BLK: variants seen among roughly 807,000 people sequenced by gnomAD.
The protein encoded by BLK is tyrosine-protein kinase Blk.
A neutral mutation model predicts 61.8 loss-of-function variants in BLK; 64 were observed. The ratio of observed to expected loss-of-function variants is 1.03; its 90% CI spans 0.85 to 1.27. The LOEUF (loss-of-function observed/expected upper bound fraction) is 1.27. Among genes scored for constraint, BLK ranks in the 50% most tolerant of loss-of-function variants. The pLI, the probability that BLK is intolerant of heterozygous loss-of-function variation, is 0.00. For missense variants in BLK, 853 were observed against 660.5 expected, an observed-to-expected ratio of 1.29 and a Z score of -3.19; for synonymous variants, 351 against 272.0, an observed-to-expected ratio of 1.29 and a Z score of -2.86.
chr8:11,507,524 G>A (rs773130983), intron 1 of BLK, among the ~76,000 whole-genome samples: 2 of 152,208 alleles, frequency 1.3e-5, no homozygotes, highest in African/African-American at 2.4e-5. Context: ...GGCAAGTCAC[G>A]CTTTAAAAGA....
intron 5 of BLK, chr8:11,549,956 T>G: frequency 3.1e-6 from 2 of 636,624 alleles, no homozygotes; most frequent in Non-Finnish European, 5.7e-6. Flanking sequence ...AGTCCAGGGC[T>G]GACAGGAAGC....
At chr8:11,541,841 T>G (rs1191403473) in intron 1 of BLK, among the ~76,000 whole-genome samples, 1 of 152,182 alleles carries the variant, frequency 6.6e-6, no homozygotes, top group African/African-American at 2.4e-5. Context: ...CCTAAATCTC[T>G]GAAAACTGAA....
chr8:11,561,531 C>A, intron 11 of BLK, 79 bp downstream of exon 11: 1 of 1,547,170 alleles, frequency 6.5e-7, no homozygotes, highest in Non-Finnish European at 8.8e-7. Flanking sequence ...TAACTTCTCC[C>A]AGCACAGCCC....
At chr8:11,527,671 C>T (rs997258394) in intron 1 of BLK, among the ~76,000 whole-genome samples, 3 of 151,706 alleles carry the variant, frequency 2.0e-5, no homozygotes, top group Non-Finnish European at 4.4e-5. Context: ...GAAAATTGCC[C>T]TTGTGAGTGA....
chr8:11,501,635 T>C (rs1798564918), intron 1 of BLK, among the ~76,000 whole-genome samples: 1 of 152,212 alleles, frequency 6.6e-6, no homozygotes, highest in South Asian at 2.1e-4. Context: ...TAACAAAATA[T>C]GCAATAGTCT....
chr8:11,556,955 A>T (rs776206621), intron 9 of BLK, 118 bp downstream of exon 9: 125 of 608,326 alleles, frequency 2.1e-4, no homozygotes, highest in East Asian at 4.5e-4. Flanking sequence ...GATCTAGGGC[A>T]TGGCACGGTG....
rs915263167 is a variant in BLK, at chr8:11,543,114, C to T, written c.-1-110C>T. 40 of 1,562,862 alleles carry T rather than the reference C, an allele frequency of 2.6e-5. No homozygotes were observed. In the Middle Eastern group the frequency reaches 8.0e-4, roughly 31 times the overall value. ...TTTGAGGTCTTTGCTGCACCCACTT[C>T]CACCCCACCTTTCTAACCAGCCTCC... On this transcript the variant is annotated intron_variant, in intron 1 of 12. Transcript: ENST00000259089.
intron 1 of BLK, among the ~76,000 whole-genome samples, chr8:11,500,376 G>C (rs1377153426): frequency 6.8e-6 from 1 of 147,140 alleles, no homozygotes; most frequent in Non-Finnish European, 1.5e-5. Context: ...GTATTTTTTT[G>C]ATAGAGACAG....
chr8:11,560,734 G>C, intron 10 of BLK: 1 of 408,006 alleles, frequency 2.5e-6, no homozygotes, highest in Non-Finnish European at 5.0e-6. Flanking sequence ...GGCGCTGGGT[G>C]AGGTTCTTGG....
At chr8:11,563,319 G>A (rs1034124151) in intron 12 of BLK, among the ~76,000 whole-genome samples, 1 of 152,234 alleles carries the variant, frequency 6.6e-6, no homozygotes, top group African/African-American at 2.4e-5. Context: ...CCTTCCTCCA[G>A]CAGAGGTCAA....
At chr8:11,523,456 G>C (rs559630544) in intron 1 of BLK, among the ~76,000 whole-genome samples, 3 of 152,254 alleles carry the variant, frequency 2.0e-5, no homozygotes, top group African/African-American at 7.2e-5. Flanking sequence ...GGGAGGCTGA[G>C]GCAGGAGAAT....
chr8:11,560,773 C>T, intron 10 of BLK: 1 of 442,290 alleles, frequency 2.3e-6, no homozygotes, highest in Non-Finnish European at 4.6e-6. Context: ...TAATGCTTGC[C>T]TCAACCCCCT....
At chr8:11,524,272 T>C (rs1799562971) in intron 1 of BLK, among the ~76,000 whole-genome samples, 2 of 152,232 alleles carry the variant, frequency 1.3e-5, no homozygotes, top group Non-Finnish European at 2.9e-5. Context: ...TTTTCAAGAC[T>C]ATATGTATAT....
At chr8:11,533,920 G>T (rs1289778064) in intron 1 of BLK, among the ~76,000 whole-genome samples, 3 of 152,246 alleles carry the variant, frequency 2.0e-5, no homozygotes, top group Non-Finnish European at 4.4e-5. Flanking sequence ...ATTATTTATG[G>T]GAGACTCAAA....
In BLK at chr8:11,564,311, C is replaced by G. The variant is rs1801628937; in HGVS notation, c.*203C>G. On this transcript the variant is annotated 3_prime_UTR_variant, in exon 13 of 13. Coordinates refer to ENST00000259089, the MANE Select transcript of BLK (RefSeq NM_001715.3). ...CCCCCGGGCGAGTTACGCGGCCTCT[C>G]TGTGCCGCTTCATTTGTAGAGGGCT... The G allele has an allele frequency of 2.8e-6, 2 of 720,282 alleles. No homozygotes were observed. The highest frequency in any genetic ancestry group is 2.0e-5 in the Admixed American group (1 of 49,884). 44.6% of individuals were successfully genotyped at this position (720,282 alleles called of 1,614,324 possible). A position where few individuals can be genotyped will look rare whatever the true frequency, so the allele number is the denominator to read the frequency against.
intron 2 of BLK, among the ~76,000 whole-genome samples, chr8:11,545,241 C>A (rs1800576018): frequency 6.6e-6 from 1 of 152,108 alleles, no homozygotes; most frequent in African/African-American, 2.4e-5. Context: ...AGGGTTAGTT[C>A]CACGTTTTAA....
intron 1 of BLK, among the ~76,000 whole-genome samples, chr8:11,510,162 T>C (rs948473486): frequency 2.2e-4 from 34 of 152,380 alleles, no homozygotes; most frequent in African/African-American, 8.2e-4. Flanking sequence ...TGTTCTTTCC[T>C]AATCCCTTCA....
rs751857286 is a variant in BLK, at chr8:11,543,333, C to A, written c.109C>A (p.Pro37Thr). 7 of 1,613,144 alleles carry A rather than the reference C, an allele frequency of 4.3e-6. No individual in the cohort carries two copies. The highest frequency in any genetic ancestry group is 5.1e-6 in the Non-Finnish European group (6 of 1,180,030). The change falls in exon 2 of 13, where the codon CCA (proline) becomes ACA (threonine). Residue 37 changes from proline to threonine, a missense_variant. Transcript: ENST00000259089. ...CAGCGCCCAAGACAAGGACGCCCCG[C>A]CACTGCCGCCCCTGGTGAGTGATTG... The part of the protein sequence containing the change: ...KVSAQDKDAP[P>T]LPPLVVFNHL...
At chr8:11,556,601 T>A (rs1261788194) in intron 8 of BLK, 57 bp from the exon 9 acceptor site, 21 of 1,611,016 alleles carry the variant, frequency 1.3e-5, no homozygotes, top group Non-Finnish European at 1.8e-5. Flanking sequence ...GGTTAAGGGA[T>A]CACCTCCGAG....
Sources: gnomAD v4.1 joint callset for allele counts (sites outside exome capture counted in the v4.1 genomes callset) on GRCh38, gnomAD v4.1.1 for gene constraint, MANE v1.5 for transcripts, NCBI Gene and HGNC (gene_info 2026-07-23, HGNC 2026-07-21) for gene names.